The following RAPGEF5 variants were observed in gnomAD, a reference collection of about 807,000 sequenced individuals.
RAPGEF5 encodes the protein M-Ras-regulated GEF.
Under a neutral mutation model 125.2 loss-of-function variants are expected in RAPGEF5, and 65 were observed. That is an observed-to-expected ratio of 0.52 (90% CI 0.43 to 0.64). The LOEUF is 0.64. Ranked by LOEUF, RAPGEF5 falls within the 30% of genes least tolerant of loss-of-function variation. The pLI is 0.00. For synonymous variants in RAPGEF5, 391 were observed against 385.9 expected, an observed-to-expected ratio of 1.01 and a Z score of -0.16; for missense variants, 958 against 1,048.1, an observed-to-expected ratio of 0.91 and a Z score of 1.19.
chr7:22,195,157 G>A (rs2128126642), intron 9 of RAPGEF5, among the ~76,000 whole-genome samples: 1 of 152,140 alleles, frequency 6.6e-6, no homozygotes, highest in East Asian at 1.9e-4. Context: ...CCTACGGTCA[G>A]GTACAAACAT....
intron 11 of RAPGEF5, among the ~76,000 whole-genome samples, chr7:22,178,566 C>T (rs549221666): frequency 6.6e-6 from 1 of 152,314 alleles, no homozygotes; most frequent in African/African-American, 2.4e-5. Context: ...TTTACTTACA[C>T]TTACTGCTTT....
At chr7:22,254,724 A>T (rs1207549269) in intron 7 of RAPGEF5, among the ~76,000 whole-genome samples, 1 of 151,360 alleles carries the variant, frequency 6.6e-6, no homozygotes, top group Non-Finnish European at 1.5e-5. Context: ...GGACTTGGAG[A>T]GGAAGGGGGA....
chr7:22,266,604 A>G (rs903123344), intron 7 of RAPGEF5, among the ~76,000 whole-genome samples: 1 of 152,142 alleles, frequency 6.6e-6, no homozygotes, highest in Non-Finnish European at 1.5e-5. Context: ...CCTCTATAGT[A>G]CCCATTGTCC....
At chr7:22,310,181 G>A in intron 3 of RAPGEF5, 91 bp from the exon 4 acceptor site, 2 of 1,276,966 alleles carry the variant, frequency 1.6e-6, no homozygotes, top group South Asian at 2.8e-5. Flanking sequence ...TTCCTTTCAT[G>A]TGCTTGCTTT....
intron 7 of RAPGEF5, among the ~76,000 whole-genome samples, chr7:22,235,374 C>T (rs1020108369): frequency 3.3e-5 from 5 of 152,142 alleles, no homozygotes; most frequent in South Asian, 2.1e-4. Context: ...ATGTACGTGT[C>T]GGTGACAGTT....
At chr7:22,264,625 T>A (rs536646005) in intron 7 of RAPGEF5, among the ~76,000 whole-genome samples, 1 of 152,184 alleles carries the variant, frequency 6.6e-6, no homozygotes, top group African/African-American at 2.4e-5. Flanking sequence ...TCTGGCATAA[T>A]GTGTCCACCC....
At chr7:22,254,191 C>T (rs1176616646) in intron 7 of RAPGEF5, among the ~76,000 whole-genome samples, 1 of 151,974 alleles carries the variant, frequency 6.6e-6, no homozygotes, top group African/African-American at 2.4e-5. Context: ...CCCAATATTA[C>T]ATACATATAC....
intron 9 of RAPGEF5, among the ~76,000 whole-genome samples, chr7:22,204,204 C>T (rs568464542): frequency 1.2e-4 from 18 of 152,216 alleles, no homozygotes; most frequent in African/African-American, 3.9e-4. Context: ...CAAATTCCTC[C>T]CATAGGATCT....
At chr7:22,290,832 T>C (rs1191144770) in intron 6 of RAPGEF5, among the ~76,000 whole-genome samples, 1 of 152,032 alleles carries the variant, frequency 6.6e-6, no homozygotes, top group South Asian at 2.1e-4. Context: ...CTGAAGTAAT[T>C]CTTTTTTTTC....
At chr7:22,263,711 C>A (rs1782214766) in intron 7 of RAPGEF5, among the ~76,000 whole-genome samples, 1 of 146,436 alleles carries the variant, frequency 6.8e-6, no homozygotes. Flanking sequence ...TTCTGGGCGA[C>A]AGAGCGAGAC....
chr7:22,129,524 G>T (rs554922311), intron 24 of RAPGEF5, among the ~76,000 whole-genome samples: 3 of 152,292 alleles, frequency 2.0e-5, no homozygotes, highest in African/African-American at 7.2e-5. Context: ...AAACGACAGG[G>T]ATTAACCTGC....
chr7:22,250,420 T>C (rs143628771), intron 7 of RAPGEF5, among the ~76,000 whole-genome samples: 1 of 152,344 alleles, frequency 6.6e-6, no homozygotes, highest in African/African-American at 2.4e-5. Context: ...CTGGTGGAAT[T>C]CAGCTGAAGC....
At chr7:22,242,418 C>A (rs909659090) in intron 7 of RAPGEF5, among the ~76,000 whole-genome samples, 1 of 152,144 alleles carries the variant, frequency 6.6e-6, no homozygotes, top group Non-Finnish European at 1.5e-5. Flanking sequence ...GAGCATGTGG[C>A]AGGGAGGCCA....
At chr7:22,125,495 A>G (rs772328080) in intron 25 of RAPGEF5, 109 bp downstream of exon 25, 23 of 1,031,092 alleles carry the variant, frequency 2.2e-5, no homozygotes, top group Non-Finnish European at 3.3e-5. Context: ...ATGTATATAC[A>G]TATGATACTT....
At chr7:22,296,474 G>A (rs1583557461) in intron 5 of RAPGEF5, among the ~76,000 whole-genome samples, 1 of 152,162 alleles carries the variant, frequency 6.6e-6, no homozygotes, top group East Asian at 1.9e-4. Flanking sequence ...GCTGAGGATA[G>A]ACTGTTTGAT....
At chr7:22,173,897 TG>T (rs992631348) in intron 11 of RAPGEF5, among the ~76,000 whole-genome samples, 1 of 152,128 alleles carries the variant, frequency 6.6e-6, no homozygotes, top group African/African-American at 2.4e-5. Context: ...AGCCCATTCA[TG>T]GCATATGCAT....
At chr7:22,213,340 T>C (rs1785554415) in intron 9 of RAPGEF5, among the ~76,000 whole-genome samples, 1 of 152,206 alleles carries the variant, frequency 6.6e-6, no homozygotes. Flanking sequence ...GTAAACCTTG[T>C]TCCTAAATAA....
intron 8 of RAPGEF5, among the ~76,000 whole-genome samples, chr7:22,223,890 G>A (rs1785851365): frequency 6.6e-6 from 1 of 152,144 alleles, no homozygotes; most frequent in Admixed American, 6.5e-5. Flanking sequence ...AGTCACTTAG[G>A]TTACAAGCAC....
intron 9 of RAPGEF5, among the ~76,000 whole-genome samples, chr7:22,217,124 A>C (rs1785656760): frequency 6.6e-6 from 1 of 152,356 alleles, no homozygotes; most frequent in Middle Eastern, 3.4e-3. Context: ...TTCTAACTCA[A>C]ATTTTATCAC....
Sources: allele counts gnomAD v4.1 joint callset (sites outside exome capture counted in the v4.1 genomes callset), GRCh38; gene constraint gnomAD v4.1.1; transcripts MANE v1.5; gene names NCBI Gene and HGNC (gene_info 2026-07-23, HGNC 2026-07-21).